The following NRDC variants were observed in gnomAD, a reference collection of about 807,000 sequenced individuals.
The protein encoded by NRDC is nardilysin.
Under a neutral mutation model 147.1 loss-of-function variants are expected in NRDC, and 54 were observed. The observed-to-expected ratio is 0.37, with a 90% CI of 0.29 to 0.46. NRDC has a LOEUF of 0.46. NRDC is among the 20% of genes least tolerant of loss of function. The probability of loss-of-function intolerance (pLI) is 1.00; values close to 1 mark genes in which losing one functional copy is unlikely to be tolerated. For missense variants in NRDC, 1,082 were observed against 1,370.6 expected (o/e 0.79, Z 3.33); for synonymous variants, 440 against 482.1 (o/e 0.91, Z 1.14).
At chr1:51,854,013 G>A (rs1682114349) in intron 1 of NRDC, among the ~76,000 whole-genome samples, 1 of 152,150 alleles carries the variant, frequency 6.6e-6, no homozygotes, top group Non-Finnish European at 1.5e-5. Flanking sequence ...TACAAATAAT[G>A]ACAGTTCAGC....
intron 19 of NRDC, among the ~76,000 whole-genome samples, chr1:51,805,174 T>A (rs1051453516): frequency 2.0e-5 from 3 of 152,198 alleles, no homozygotes; most frequent in Admixed American, 2.0e-4. Flanking sequence ...AGTCTATAAA[T>A]ACAGAATCAA....
chr1:51,813,951 G>T, intron 14 of NRDC, 84 bp downstream of exon 14: 1 of 897,676 alleles, frequency 1.1e-6, no homozygotes, highest in Non-Finnish European at 1.8e-6. Context: ...AAACTCCACC[G>T]ACACTTTCAA....
At position 51,872,865 on chromosome 1, in the gene NRDC, T is replaced by C. The variant is rs1683145684; in HGVS notation, c.341+5410A>G. Among the ~76,000 whole-genome samples, 3 of 143,252 alleles carry C rather than the reference T, an allele frequency of 2.1e-5. No individual in the cohort carries two copies. In the East Asian group the frequency reaches 5.8e-4, roughly 28 times the overall value. The allele number at this position is 143,252 out of a possible 152,430, so 94.0% of individuals were successfully genotyped here. A position where few individuals can be genotyped will look rare whatever the true frequency, so the allele number is the denominator to read the frequency against. ...TGAATCTCGTGAAGTAATACCTAGG[T>C]TACCTTTACTTTACAAGACAAGTGA... On this transcript the variant is annotated intron_variant, in intron 1 of 30. Transcript: ENST00000352171.
chr1:51,819,925 C>T (rs767482767), intron 8 of NRDC, 52 bp from the exon 9 acceptor site: 141 of 1,349,070 alleles, frequency 1.0e-4, no homozygotes, highest in Non-Finnish European at 1.4e-4. Flanking sequence ...CCTTTATAAG[C>T]AATATCTTTA....
intron 4 of NRDC, 129 bp downstream of exon 4, chr1:51,833,888 T>C (rs539856608): frequency 7.6e-6 from 6 of 786,500 alleles, no homozygotes; most frequent in Non-Finnish European, 1.2e-5. Flanking sequence ...GTACTTGAGT[T>C]ACAGGCATGA....
chr1:51,804,802 A>G (rs1557902340), intron 19 of NRDC, among the ~76,000 whole-genome samples: 1 of 151,850 alleles, frequency 6.6e-6, no homozygotes, highest in African/African-American at 2.4e-5. Context: ...ACATTCAGAC[A>G]CATTTCCCAA....
chr1:51,872,947 A>G (rs973821231), intron 1 of NRDC, among the ~76,000 whole-genome samples: 1 of 149,900 alleles, frequency 6.7e-6, no homozygotes, highest in African/African-American at 2.5e-5. Context: ...CAGACTAAGG[A>G]ATTGTCAATC....
chr1:51,798,331 A>AG lies in NRDC; in HGVS notation c.2521dup (p.Leu841ProfsTer2). The AG allele has an allele frequency of 6.2e-7, 1 of 1,614,182 alleles. No homozygotes were observed. The highest frequency in any genetic ancestry group is 8.5e-7 in the Non-Finnish European group (1 of 1,180,004). Reference sequence around the variant, plus strand: ...TTTGACGAAGCTCAGCAGAGACTCAAGGGAAAGGCCGTCCATCAAAGCCTG... The same window carrying AG: ...TTTGACGAAGCTCAGCAGAGACTCAAGGGGAAAGGCCGTCCATCAAAGCCTG... On this transcript the variant is annotated frameshift_variant, in exon 22 of 31. Coordinates refer to ENST00000352171, the MANE Select transcript of NRDC (RefSeq NM_001101662.2). LOFTEE classifies it high-confidence loss of function.
chr1:51,843,112 C>G, intron 1 of NRDC, among the ~76,000 whole-genome samples: 1 of 136,334 alleles, frequency 7.3e-6, no homozygotes, highest in South Asian at 2.3e-4. Flanking sequence ...GGTGGGAGGG[C>G]AGGGCAACAT....
intron 14 of NRDC, among the ~76,000 whole-genome samples, chr1:51,813,115 T>A (rs1430911564): frequency 6.6e-6 from 1 of 152,090 alleles, no homozygotes; most frequent in South Asian, 2.1e-4. Flanking sequence ...TGTCTCTAAT[T>A]AAAATTTTAA....
At chr1:51,833,886 G>A (rs1170158127) in intron 4 of NRDC, 131 bp downstream of exon 4, 2 of 780,426 alleles carry the variant, frequency 2.6e-6, no homozygotes, top group Admixed American at 2.8e-5. Flanking sequence ...AAGTACTTGA[G>A]TTACAGGCAT....
intron 1 of NRDC, chr1:51,877,841 G>A: frequency 5.1e-6 from 1 of 197,944 alleles, no homozygotes; most frequent in Non-Finnish European, 9.3e-6. Flanking sequence ...GGTAACTTTC[G>A]TCCACTAGTT....
chr1:51,846,107 C>A (rs1207911641), intron 1 of NRDC, among the ~76,000 whole-genome samples: 1 of 150,626 alleles, frequency 6.6e-6, no homozygotes, highest in African/African-American at 2.5e-5. Context: ...AGATATTTTA[C>A]ACTTTATAAT....
At chr1:51,839,780 T>C (rs1357723731) in intron 2 of NRDC, among the ~76,000 whole-genome samples, 1 of 152,180 alleles carries the variant, frequency 6.6e-6, no homozygotes, top group African/African-American at 2.4e-5. Flanking sequence ...CTTAGAGCCC[T>C]AGGCCCATGT....
At position 51,842,174 on chromosome 1, in the gene NRDC, AAATT is replaced by A. The variant is rs539132248; in HGVS notation, c.342-1664_342-1661del. Among the ~76,000 whole-genome samples the A allele has an allele frequency of 2.3e-3, 351 of 152,190 alleles. 2 individuals carry two copies. The highest frequency in any genetic ancestry group is 7.9e-3 in the African/African-American group (330 of 41,556). On this transcript the variant is annotated intron_variant, in intron 1 of 30. Coordinates refer to ENST00000352171, the MANE Select transcript of NRDC (RefSeq NM_001101662.2). The stretch of plus-strand genomic sequence containing the variant: ...GGTGAAAAATGAGACCCTGTCCCAA[AAATT>A]AATAAATAAATAATAAAAAATAATC...
At chr1:51,810,139 G>T in intron 16 of NRDC, 142 bp downstream of exon 16, 1 of 511,560 alleles carries the variant, frequency 2.0e-6, no homozygotes, top group Non-Finnish European at 3.3e-6. Context: ...CTGTGCAGTA[G>T]TATAAGTAAT....
chr1:51,820,077 A>G (rs1007178864), intron 8 of NRDC, among the ~76,000 whole-genome samples: 2 of 152,192 alleles, frequency 1.3e-5, no homozygotes, highest in African/African-American at 4.8e-5. Flanking sequence ...CCAATAACTC[A>G]AAAGTCTTTA....
chr1:51,872,404 C>G (rs1683128149), intron 1 of NRDC, among the ~76,000 whole-genome samples: 1 of 152,138 alleles, frequency 6.6e-6, no homozygotes, highest in African/African-American at 2.4e-5. Context: ...GCCCATCAGC[C>G]CACTTTAAAG....
chr1:51,825,937 A>C (rs1680425372), intron 5 of NRDC, among the ~76,000 whole-genome samples: 1 of 152,244 alleles, frequency 6.6e-6, no homozygotes, highest in Non-Finnish European at 1.5e-5. Context: ...ATGATTAGGT[A>C]ATGAGGGCAG....
Sources: allele counts gnomAD v4.1 joint callset (sites outside exome capture counted in the v4.1 genomes callset), GRCh38; gene constraint gnomAD v4.1.1; transcripts MANE v1.5; gene names NCBI Gene and HGNC (gene_info 2026-07-23, HGNC 2026-07-21).